The following RBFOX3 variants were observed in gnomAD, a reference collection of about 807,000 sequenced individuals.
RBFOX3 encodes the protein RNA binding protein fox-1 homolog 3.
RBFOX3 carries 17 observed loss-of-function variants against 48.7 expected under a neutral mutation model. The ratio of observed to expected loss-of-function variants is 0.35; its 90% CI spans 0.24 to 0.52. The LOEUF is 0.52. Among genes scored for constraint, RBFOX3 ranks in the 20% least tolerant of loss-of-function variants. RBFOX3 has a pLI of 0.94. For missense variants in RBFOX3, 382 were observed against 497.5 expected (o/e 0.77, Z 2.21); for synonymous variants, 212 against 209.5 (o/e 1.01, Z -0.10).
intron 1 of RBFOX3, chr17:79,601,790 T>C (rs1387628033): frequency 1.3e-5 from 2 of 152,250 alleles, no homozygotes; most frequent in Admixed American, 6.5e-5. Flanking sequence ...ATCAGTGATC[T>C]GGCCTTAGTT....
At chr17:79,393,451 C>A (rs147420305) in intron 2 of RBFOX3, among the ~76,000 whole-genome samples, 98 of 152,374 alleles carry the variant, frequency 6.4e-4, no homozygotes, top group African/African-American at 2.2e-3. Flanking sequence ...TCGTGTGGTC[C>A]CTGGCGCCAC....
rs913511949 is a variant in RBFOX3 at position 79,606,701 on chromosome 17, G to A, written c.-320+4125C>T. ...GGTATTTCTTGAAGGGAGGTGACTC[G>A]TCTGTCTGTGGGTCCCCAACCCAGA... is the stretch of plus-strand genomic sequence containing the variant. On this transcript the variant is annotated intron_variant, in intron 1 of 14. Coordinates refer to ENST00000693108, the MANE Select transcript of RBFOX3 (RefSeq NM_001350451.2). 2.6e-3 allele frequency among the ~76,000 whole-genome samples: 403 copies of A among 152,210 alleles called. 2 individuals carry two copies. Among genetic ancestry groups the A allele is most frequent in the Middle Eastern group, 0.01 (3 of 294 alleles).
intron 3 of RBFOX3, among the ~76,000 whole-genome samples, chr17:79,248,052 G>C (rs1239174355): frequency 6.6e-6 from 1 of 152,244 alleles, no homozygotes; most frequent in Non-Finnish European, 1.5e-5. Flanking sequence ...GCTGCTCAGG[G>C]CTGCAGTGAG....
In RBFOX3 at chr17:79,464,215, G is replaced by A. The variant is rs374877248; in HGVS notation, c.-175+18239C>T. 7.9e-5 allele frequency among the ~76,000 whole-genome samples: 12 copies of A among 152,224 alleles called. No individual in the cohort carries two copies. The East Asian group carries it at 1.2e-3, about 15-fold the overall frequency. On this transcript the variant is annotated intron_variant, in intron 2 of 14. Transcript: ENST00000693108. ...AACGGGCGCACATCAGGAAATGTTC[G>A]CTCTCCCTTCACCACCAAGGAGACT...
chr17:79,354,493 G>T (rs988585601), intron 2 of RBFOX3, among the ~76,000 whole-genome samples: 3 of 152,274 alleles, frequency 2.0e-5, no homozygotes, highest in Admixed American at 1.3e-4. Context: ...TACTCTCAGT[G>T]GTTCCATAGT....
At chr17:79,496,293 GC>G (rs1488302593) in intron 1 of RBFOX3, among the ~76,000 whole-genome samples, 1 of 151,920 alleles carries the variant, frequency 6.6e-6, no homozygotes, top group Non-Finnish European at 1.5e-5. Context: ...GCTCCTAAAG[GC>G]CCCCCACCTG....
At chr17:79,330,559 C>T (rs145976397) in intron 2 of RBFOX3, among the ~76,000 whole-genome samples, 7 of 64,214 alleles carry the variant, frequency 1.1e-4, no homozygotes, top group South Asian at 8.4e-4. Flanking sequence ...TTTACAGAGG[C>T]GGGGTTTTCA....
chr17:79,370,887 C>CCAAGCA (rs2147615956), intron 2 of RBFOX3, among the ~76,000 whole-genome samples: 1 of 152,372 alleles, frequency 6.6e-6, no homozygotes, highest in South Asian at 2.1e-4. Context: ...GTTCCCAGGG[C>CCAAGCA]CAAGCACCTT....
At chr17:79,146,585 G>A (rs1221761790) in intron 4 of RBFOX3, among the ~76,000 whole-genome samples, 1 of 152,244 alleles carries the variant, frequency 6.6e-6, no homozygotes, top group African/African-American at 2.4e-5. Context: ...GTTCCCAGGT[G>A]TGTGCAAAGC....
At chr17:79,296,770 T>C (rs1600483776) in intron 3 of RBFOX3, among the ~76,000 whole-genome samples, 2 of 144,262 alleles carry the variant, frequency 1.4e-5, no homozygotes, top group Non-Finnish European at 3.0e-5. Context: ...TTACTACTCC[T>C]CTCTGTCTTT....
chr17:79,503,919 G>A (rs1354466792), intron 1 of RBFOX3, among the ~76,000 whole-genome samples: 4 of 152,194 alleles, frequency 2.6e-5, no homozygotes, highest in Admixed American at 6.5e-5. Flanking sequence ...CCTTCCTCCC[G>A]ACTTAGACTC....
chr17:79,566,229 A>T (rs2092448288), intron 1 of RBFOX3, among the ~76,000 whole-genome samples: 1 of 152,100 alleles, frequency 6.6e-6, no homozygotes, highest in Non-Finnish European at 1.5e-5. Context: ...TTGTTATTCA[A>T]CCAATTACGA....
At chr17:79,125,012 T>C (rs761501902) in intron 4 of RBFOX3, among the ~76,000 whole-genome samples, 2 of 152,218 alleles carry the variant, frequency 1.3e-5, no homozygotes, top group Non-Finnish European at 2.9e-5. Flanking sequence ...GTGATGGCTC[T>C]GTCGTCGCCA....
rs972355453 is a variant in RBFOX3 at position 79,311,420 on chromosome 17, C to A, written c.-174-3596G>T. 8.3e-6 allele frequency among the ~76,000 whole-genome samples: 1 copy of A among 121,190 alleles called. No individual in the cohort carries two copies. 79.5% of individuals were successfully genotyped at this position (121,190 alleles called of 152,430 possible). ...TGCACTCCAGCCTGGGTAAGAAGAG[C>A]GAGACTCCATCTCCAAAAAAAAAAA... On this transcript the variant is annotated intron_variant, in intron 2 of 14. Coordinates refer to ENST00000693108, the MANE Select transcript of RBFOX3 (RefSeq NM_001350451.2). This position sits in a 1 kb window ranked among gnomAD's most constrained non-coding sequence, Gnocchi z 4.2.
At chr17:79,661,767 T>C in the RBFOX3 span, among the ~76,000 whole-genome samples, 1 of 152,232 alleles carries the variant, frequency 6.6e-6, no homozygotes, top group Admixed American at 6.5e-5. Context: ...CCCTTAGGAC[T>C]GGCAACCTAT....
rs138225922 is a variant in RBFOX3, at chr17:79,131,572, T to G, written c.-33-15824A>C. Reference sequence around the variant, plus strand: ...ACTCCAACTCCAAACCTGGGCCTGGTCTCTCACACGTTAGGAAGCCACGGA... The same window carrying G: ...ACTCCAACTCCAAACCTGGGCCTGGGCTCTCACACGTTAGGAAGCCACGGA... On this transcript the variant is annotated intron_variant, in intron 4 of 14. Coordinates refer to ENST00000693108, the MANE Select transcript of RBFOX3 (RefSeq NM_001350451.2). Among the ~76,000 whole-genome samples the G allele has an allele frequency of 4.4e-3, 667 of 152,292 alleles. 3 individuals are homozygous for G. Among genetic ancestry groups the G allele is most frequent in the African/African-American group, 0.015 (633 of 41,572 alleles).
intron 3 of RBFOX3, among the ~76,000 whole-genome samples, chr17:79,296,878 C>T (rs1482498341): frequency 8.2e-6 from 1 of 122,250 alleles, no homozygotes; most frequent in Non-Finnish European, 1.7e-5. Context: ...TTTCCTTCTC[C>T]TCCTCTCCCT....
chr17:79,657,200 C>T, the RBFOX3 span, among the ~76,000 whole-genome samples: 3,616 of 152,250 alleles, frequency 0.024, 153 homozygotes, highest in African/African-American at 0.083. Flanking sequence ...AGCAGCCACA[C>T]GGCAAATGGA....
At chr17:79,453,932 C>T (rs905502123) in intron 2 of RBFOX3, among the ~76,000 whole-genome samples, 1 of 152,132 alleles carries the variant, frequency 6.6e-6, no homozygotes. Context: ...TTGGACACCT[C>T]TCAGCCCGGG....
Sources: allele counts gnomAD v4.1 joint callset (sites outside exome capture counted in the v4.1 genomes callset), GRCh38; gene constraint gnomAD v4.1.1; non-coding constraint Gnocchi (gnomAD v3.1); transcripts MANE v1.5; gene names NCBI Gene and HGNC (gene_info 2026-07-23, HGNC 2026-07-21).